ERC1: variants seen among roughly 807,000 people sequenced by gnomAD.
ERC1 encodes the protein RAB6 interacting protein 2.
A neutral mutation model predicts 132.0 loss-of-function variants in ERC1; 56 were observed. The observed-to-expected ratio is 0.42, with a 90% CI of 0.34 to 0.53. ERC1 has a LOEUF of 0.53. Ranked by LOEUF, ERC1 falls within the 20% of genes least tolerant of loss-of-function variation. ERC1 has a pLI of 0.03. For synonymous variants in ERC1, 478 were observed against 476.1 expected (o/e 1.00, Z -0.05); for missense variants, 1,202 against 1,349.9 (o/e 0.89, Z 1.72).
intron 18 of ERC1, among the ~76,000 whole-genome samples, chr12:1,480,272 G>A (rs923905763): frequency 2.6e-5 from 4 of 152,052 alleles, no homozygotes; most frequent in Admixed American, 2.0e-4. Flanking sequence ...AGTGAAAATC[G>A]GTTTACTCTG....
At chr12:1,401,160 T>C (rs1488418257) in intron 16 of ERC1, among the ~76,000 whole-genome samples, 2 of 151,944 alleles carry the variant, frequency 1.3e-5, no homozygotes, top group Non-Finnish European at 2.9e-5. Flanking sequence ...GGTCTCCATC[T>C]CCTGACCTTG....
Position 1,028,181 on chromosome 12 carries a change from G to A in ERC1, c.278G>A (p.Arg93His), listed in dbSNP as rs1192284586. 6.8e-6 allele frequency: 11 copies of A among 1,614,070 alleles called. No homozygotes were observed. The highest frequency in any genetic ancestry group is 2.7e-5 in the African/African-American group (2 of 74,928). Reference protein sequence around the residue: ...ETPKSTMTLGRSGGRLPYGVR... With the variant: ...ETPKSTMTLGHSGGRLPYGVR... ...CCTAAAAGCACCATGACACTTGGCC[G>A]TTCTGGGGGACGTCTGCCTTACGGT... Residue 93 changes from arginine to histidine, a missense_variant, in exon 2 of 19, where the codon CGT becomes CAT. Coordinates refer to ENST00000360905, the MANE Select transcript of ERC1 (RefSeq NM_178040.4).
At chr12:1,227,876 T>C (rs1414401296) in intron 12 of ERC1, among the ~76,000 whole-genome samples, 1 of 152,238 alleles carries the variant, frequency 6.6e-6, no homozygotes, top group African/African-American at 2.4e-5. Flanking sequence ...CATGTAGATA[T>C]CCAGTTTCCC....
chr12:1,002,287 C>A (rs1385088447), intron 1 of ERC1, among the ~76,000 whole-genome samples: 1 of 149,872 alleles, frequency 6.7e-6, no homozygotes, highest in African/African-American at 2.5e-5. Context: ...GATCCTCCCA[C>A]CTCGGCCTCC....
At chr12:1,233,855 A>G (rs2075236219) in intron 12 of ERC1, among the ~76,000 whole-genome samples, 1 of 152,076 alleles carries the variant, frequency 6.6e-6, no homozygotes, top group Non-Finnish European at 1.5e-5. Flanking sequence ...CGTTTTTTGT[A>G]TTTTGATTCA....
At chr12:1,211,382 A>T (rs1957856973) in intron 12 of ERC1, among the ~76,000 whole-genome samples, 1 of 152,086 alleles carries the variant, frequency 6.6e-6, no homozygotes, top group African/African-American at 2.4e-5. Context: ...TTCCCATCTC[A>T]GGTGATCCAC....
chr12:1,050,924 G>A (rs1289176627), intron 2 of ERC1, among the ~76,000 whole-genome samples: 3 of 152,098 alleles, frequency 2.0e-5, no homozygotes, highest in Non-Finnish European at 4.4e-5. Flanking sequence ...AGAATCGCTT[G>A]AACCCGGGAG....
chr12:1,471,898 C>T (rs554406974), intron 18 of ERC1, among the ~76,000 whole-genome samples: 2 of 152,268 alleles, frequency 1.3e-5, no homozygotes, highest in African/African-American at 2.4e-5. Context: ...ACTGGCCAGG[C>T]GTGATAGATA....
intron 15 of ERC1, among the ~76,000 whole-genome samples, chr12:1,305,133 C>T (rs1334389506): frequency 1.3e-5 from 2 of 152,126 alleles, no homozygotes; most frequent in Admixed American, 1.3e-4. Context: ...GGTAGCTGTG[C>T]TTCTGTGGAG....
At chr12:1,104,876 G>T in intron 4 of ERC1, 52 bp downstream of exon 4, 1 of 1,240,670 alleles carries the variant, frequency 8.1e-7, no homozygotes, top group South Asian at 1.2e-5. Context: ...ACTTTTAAGT[G>T]ATCAAAAACT....
At chr12:1,376,191 C>T (rs1284466859) in intron 16 of ERC1, among the ~76,000 whole-genome samples, 1 of 152,148 alleles carries the variant, frequency 6.6e-6, no homozygotes, top group African/African-American at 2.4e-5. Flanking sequence ...TACTTTTTAT[C>T]CTTTCTTTTT....
chr12:1,246,537 G>A (rs1330639314), intron 13 of ERC1, among the ~76,000 whole-genome samples: 2 of 152,198 alleles, frequency 1.3e-5, no homozygotes, highest in Non-Finnish European at 2.9e-5. Context: ...GAAAGTTAGT[G>A]TGTGAAAGTT....
At chr12:1,008,050 G>A (rs1485095818) in intron 1 of ERC1, among the ~76,000 whole-genome samples, 4 of 152,074 alleles carry the variant, frequency 2.6e-5, no homozygotes, top group South Asian at 2.1e-4. Context: ...GTTTTCTCTC[G>A]TCTCCTAAGA....
chr12:1,282,763 T>G (rs1218481991), intron 14 of ERC1, among the ~76,000 whole-genome samples: 2 of 152,244 alleles, frequency 1.3e-5, no homozygotes, highest in African/African-American at 4.8e-5. Context: ...TTCATAATTA[T>G]AAAACAGTAG....
intron 2 of ERC1, among the ~76,000 whole-genome samples, chr12:1,053,720 C>T (rs1366754865): frequency 2.6e-5 from 4 of 152,212 alleles, no homozygotes; most frequent in Admixed American, 6.5e-5. Flanking sequence ...TATCTTCACT[C>T]ATTAACTAAA....
intron 2 of ERC1, among the ~76,000 whole-genome samples, chr12:1,034,191 T>C (rs1246652606): frequency 4.6e-5 from 7 of 152,188 alleles, no homozygotes; most frequent in Admixed American, 4.6e-4. Context: ...GTGTATCATA[T>C]TTGAATATTA....
At chr12:1,262,516 A>G (rs1357530234) in intron 13 of ERC1, among the ~76,000 whole-genome samples, 2 of 152,244 alleles carry the variant, frequency 1.3e-5, no homozygotes, top group Non-Finnish European at 2.9e-5. Flanking sequence ...TTGAAATACT[A>G]GGATGCATCA....
rs940811221 is a variant in ERC1, at chr12:1,304,740, C to T, written c.2780+14728C>T. ...GCCCTTTAACACAGTTCTATTATTT[C>T]GAGTTTTTACAATGTGAAGTCTTCT... On this transcript the variant is annotated intron_variant, in intron 15 of 18. Transcript: ENST00000360905. 2.2e-5 allele frequency among the ~76,000 whole-genome samples: 3 copies of T among 134,554 alleles called. No homozygotes were observed. In the Admixed American group the frequency reaches 2.2e-4, roughly 10 times the overall value. The allele number at this position is 134,554 out of a possible 152,430, so 88.3% of individuals were successfully genotyped here. A position where few individuals can be genotyped will look rare whatever the true frequency, so the allele number is the denominator to read the frequency against.
At chr12:1,396,437 A>C (rs2090549948) in intron 16 of ERC1, among the ~76,000 whole-genome samples, 1 of 152,202 alleles carries the variant, frequency 6.6e-6, no homozygotes, top group Non-Finnish European at 1.5e-5. Context: ...GATTTTATCT[A>C]AGCTGGCAAT....
Sources: allele counts gnomAD v4.1 joint callset (sites outside exome capture counted in the v4.1 genomes callset), GRCh38; gene constraint gnomAD v4.1.1; transcripts MANE v1.5; gene names NCBI Gene and HGNC (gene_info 2026-07-23, HGNC 2026-07-21).